The following KCTD4 variants were observed in gnomAD, a reference collection of about 807,000 sequenced individuals.
KCTD4 encodes the protein BTB/POZ domain-containing protein KCTD4.
A neutral mutation model predicts 18.3 loss-of-function variants in KCTD4; 12 were observed. The ratio of observed to expected loss-of-function variants is 0.66; its 90% CI spans 0.42 to 1.06. The LOEUF is 1.06. Ranked by LOEUF, KCTD4 falls within the 50% of genes least tolerant of loss-of-function variation. KCTD4 has a pLI of 0.00. For synonymous variants in KCTD4, 124 were observed against 110.5 expected, an observed-to-expected ratio of 1.12 and a Z score of -0.76; for missense variants, 250 against 303.4, an observed-to-expected ratio of 0.82 and a Z score of 1.31.
rs1180298515 is a variant in KCTD4 at position 45,194,101 on chromosome 13, C to T, written c.467G>A (p.Arg156Lys). ...TDNHDRSQGL[R>K]IFCNAPDFIS... ...GAAATCAGGAGCATTACAGAAGATT[C>T]TTAATCCTTGTGAACGATCGTGGTT... Residue 156 changes from arginine (R) to lysine (K), a missense_variant, in exon 2 of 2, where the codon AGA becomes AAA. Coordinates refer to ENST00000379108, the MANE Select transcript of KCTD4 (RefSeq NM_198404.3). 8 of 1,614,120 alleles carry T rather than the reference C, an allele frequency of 5.0e-6. No homozygotes were observed. Among genetic ancestry groups the T allele is most frequent in the Non-Finnish European group, 5.9e-6 (7 of 1,179,990 alleles).
At chr13:45,200,558 T>A (rs1873130032) in intron 1 of KCTD4, among the ~76,000 whole-genome samples, 1 of 152,144 alleles carries the variant, frequency 6.6e-6, no homozygotes, top group Non-Finnish European at 1.5e-5. Flanking sequence ...CCTCCCAAAG[T>A]GTTGGGATTA....
chr13:45,194,639 G>A lies in KCTD4; in HGVS notation c.-72C>T, dbSNP rs541301933. Reference sequence around the variant, plus strand: ...TTTAAAAAGAGACACTACCACACAAGCACGCCTTTATTCAGCCCCAGCCTG... The same window carrying A: ...TTTAAAAAGAGACACTACCACACAAACACGCCTTTATTCAGCCCCAGCCTG... On this transcript the variant is annotated 5_prime_UTR_variant, in exon 2 of 2. Transcript: ENST00000379108. The A allele has an allele frequency of 1.5e-6, 2 of 1,347,538 alleles. No individual in the cohort carries two copies. Among genetic ancestry groups the A allele is most frequent in the Non-Finnish European group, 2.1e-6 (2 of 968,882 alleles). 83.5% of individuals were successfully genotyped at this position (1,347,538 alleles called of 1,614,324 possible). A position where few individuals can be genotyped will look rare whatever the true frequency, so the allele number is the denominator to read the frequency against.
chr13:45,195,756 A>T (rs1171319341), intron 1 of KCTD4, among the ~76,000 whole-genome samples: 9 of 152,168 alleles, frequency 5.9e-5, no homozygotes, highest in African/African-American at 2.2e-4. Flanking sequence ...TCCCCAGTAC[A>T]CTATTATTTG....
Position 45,194,111 on chromosome 13 carries a change from G to C in KCTD4, c.457C>G (p.Gln153Glu), listed in dbSNP as rs1365683909. Reference sequence around the variant, plus strand: ...GCATTACAGAAGATTCTTAATCCTTGTGAACGATCGTGGTTATCTGTTATT... The same window carrying C: ...GCATTACAGAAGATTCTTAATCCTTCTGAACGATCGTGGTTATCTGTTATT... The part of the protein sequence containing the change: ...LEITDNHDRS[Q>E]GLRIFCNAPD... Residue 153 changes from glutamine to glutamate, a missense_variant, in exon 2 of 2, where the codon CAA (glutamine) becomes GAA (glutamate). Physicochemically the swap from Gln to Glu is conservative, Grantham distance 29 (BLOSUM62 2). Transcript: ENST00000379108. 6.2e-7 allele frequency: 1 copy of C among 1,613,838 alleles called. No individual in the cohort carries two copies. The highest frequency in any genetic ancestry group is 8.5e-7 in the Non-Finnish European group (1 of 1,179,914).
rs1872747621 is a variant in KCTD4 at position 45,193,726 on chromosome 13, T to A, written c.*62A>T. The A allele has an allele frequency of 6.8e-7, 1 of 1,470,514 alleles. No homozygotes were observed. The highest frequency in any genetic ancestry group is 9.2e-7 in the Non-Finnish European group (1 of 1,088,436). The allele number at this position is 1,470,514 out of a possible 1,614,324, so 91.1% of individuals were successfully genotyped here. Reference sequence around the variant, plus strand: ...GGCATGTTATTTGGGATGTCTTTGATGCTGTGGTTTTCCGAAGCTTGCTGG... The same window carrying A: ...GGCATGTTATTTGGGATGTCTTTGAAGCTGTGGTTTTCCGAAGCTTGCTGG... On this transcript the variant is annotated 3_prime_UTR_variant, in exon 2 of 2. Transcript: ENST00000379108.
chr13:45,196,238 G>A (rs1208267791), intron 1 of KCTD4, among the ~76,000 whole-genome samples: 4 of 152,162 alleles, frequency 2.6e-5, no homozygotes, highest in Non-Finnish European at 1.5e-5. Flanking sequence ...TAGAGACTGT[G>A]AAATTCAACT....
At chr13:45,200,370 T>G (rs949433061) in intron 1 of KCTD4, among the ~76,000 whole-genome samples, 1 of 152,202 alleles carries the variant, frequency 6.6e-6, no homozygotes, top group Non-Finnish European at 1.5e-5. Context: ...TCACCCAGGC[T>G]GGAGTGTATT....
intron 1 of KCTD4, among the ~76,000 whole-genome samples, chr13:45,197,233 A>G (rs1484239778): frequency 6.6e-6 from 1 of 151,516 alleles, no homozygotes; most frequent in Non-Finnish European, 1.5e-5. Flanking sequence ...ATGTTGGCTT[A>G]TGCCTGTAAT....
chr13:45,197,544 G>A (rs892656489), intron 1 of KCTD4, among the ~76,000 whole-genome samples: 5 of 148,408 alleles, frequency 3.4e-5, no homozygotes, highest in African/African-American at 7.4e-5. Flanking sequence ...AGTAGGCCCC[G>A]CTGTATGCCT....
intron 1 of KCTD4, among the ~76,000 whole-genome samples, chr13:45,197,507 T>G (rs1593485769): frequency 9.7e-6 from 1 of 102,990 alleles, no homozygotes. Flanking sequence ...AGACCCTGTC[T>G]CCAAAAAAAA....
chr13:45,194,287 C>T lies in KCTD4; in HGVS notation c.281G>A (p.Arg94Gln), dbSNP rs768878129. 6 of 1,614,110 alleles carry T rather than the reference C, an allele frequency of 3.7e-6. No individual in the cohort carries two copies. Among genetic ancestry groups the T allele is most frequent in the Non-Finnish European group, 4.2e-6 (5 of 1,180,016 alleles). The change falls in exon 2 of 2, where the codon CGA becomes CAA. Residue 94 changes from arginine to glutamine, a missense_variant. Transcript: ENST00000379108. Reference sequence around the variant, plus strand: ...TTCGGGCAATAGAAGTTCTCCATTTCGTAGGAAGTTTAGGACATGCCTGAA... The same window carrying T: ...TTCGGGCAATAGAAGTTCTCCATTTTGTAGGAAGTTTAGGACATGCCTGAA... The part of the protein sequence containing the change: ...LLFRHVLNFL[R>Q]NGELLLPEGF...
At chr13:45,199,748 T>C (rs1014989132) in intron 1 of KCTD4, among the ~76,000 whole-genome samples, 3 of 152,162 alleles carry the variant, frequency 2.0e-5, no homozygotes, top group African/African-American at 7.2e-5. Flanking sequence ...GGGCATAACT[T>C]TGAAAACTCT....
In KCTD4 at chr13:45,194,497, G is replaced by A. The variant is rs1451584077; in HGVS notation, c.71C>T (p.Thr24Ile). The A allele has an allele frequency of 6.2e-7, 1 of 1,614,072 alleles. No homozygotes were observed. Among genetic ancestry groups the A allele is most frequent in the Admixed American group, 1.7e-5 (1 of 60,018 alleles). The stretch of plus-strand genomic sequence containing the variant: ...GGATTTGCAGTTCTTTCCTTGATCA[G>A]TATCTTCCAGGCTGTTGTGTTTCCC... ...YEGKHNSLED[T>I]DQGKNCKSTL... The change falls in exon 2 of 2, where the codon ACT becomes ATT. Residue 24 changes from threonine (T) to isoleucine (I), a missense_variant. Thr to Ile is a moderately conservative substitution (Grantham distance 89). Transcript: ENST00000379108.
chr13:45,200,539 C>CT (rs1265671294), intron 1 of KCTD4, among the ~76,000 whole-genome samples: 2 of 152,140 alleles, frequency 1.3e-5, no homozygotes, highest in Non-Finnish European at 2.9e-5. Flanking sequence ...AGCTATGCTG[C>CT]TGCCTCAGCC....
At position 45,194,158 on chromosome 13, in the gene KCTD4, G is replaced by T. The variant is rs1219311051; in HGVS notation, c.410C>A (p.Pro137His). The T allele has an allele frequency of 2.5e-6, 4 of 1,614,054 alleles. No individual in the cohort carries two copies. Among genetic ancestry groups the T allele is most frequent in the South Asian group, 2.2e-5 (2 of 91,080 alleles). Reference sequence around the variant, plus strand: ...TATTTCCAAGAAAGTAGTCTCTCTGGGTGTTAGCTGTTCTTTCTCCCACCT... The same window carrying T: ...TATTTCCAAGAAAGTAGTCTCTCTGTGTGTTAGCTGTTCTTTCTCCCACCT... ...KSRWEKEQLT[P>H]RETTFLEITD... is the part of the protein sequence containing the mutation. The change falls in exon 2 of 2, where the codon CCC (proline) becomes CAC (histidine). Residue 137 changes from proline (P) to histidine (H), a missense_variant. By Grantham distance (77) the Pro-to-His change is moderately conservative. Transcript: ENST00000379108.
Position 45,194,766 on chromosome 13 carries a change from C to A in KCTD4, c.-187-12G>T. 1 of 572,718 alleles carries A rather than the reference C, an allele frequency of 1.7e-6. No individual in the cohort carries two copies. The highest frequency in any genetic ancestry group is 3.1e-6 in the Non-Finnish European group (1 of 318,994). 35.5% of individuals were successfully genotyped at this position (572,718 alleles called of 1,614,324 possible). A position where few individuals can be genotyped will look rare whatever the true frequency, so the allele number is the denominator to read the frequency against. ...TATGCAGGAGCTTTCTGGAGTAAGA[C>A]GGAAAAGAGAATTTGCATTTAACTG... is the stretch of plus-strand genomic sequence containing the variant. On this transcript the variant is annotated splice_polypyrimidine_tract_variant and intron_variant, in intron 1 of 1. Coordinates refer to ENST00000379108, the MANE Select transcript of KCTD4 (RefSeq NM_198404.3).
Position 45,194,270 on chromosome 13 carries a change from A to G in KCTD4, c.298T>C (p.Leu100=), listed in dbSNP as rs749838383. The change falls in exon 2 of 2, where the codon TTG becomes CTG. Residue 100 remains leucine, a synonymous_variant. Coordinates refer to ENST00000379108, the MANE Select transcript of KCTD4 (RefSeq NM_198404.3). ...LNFLRNGELL[L]PEGFRENQLL... ...TGATTTTCTCGAAACCCTTCGGGCA[A>G]TAGAAGTTCTCCATTTCGTAGGAAG... The G allele has an allele frequency of 3.1e-5, 50 of 1,614,054 alleles. No individual in the cohort carries two copies. The highest frequency in any genetic ancestry group is 4.0e-5 in the Non-Finnish European group (47 of 1,180,030).
At chr13:45,198,611 C>T (rs979682343) in intron 1 of KCTD4, among the ~76,000 whole-genome samples, 5 of 152,120 alleles carry the variant, frequency 3.3e-5, no homozygotes, top group Admixed American at 6.5e-5. Flanking sequence ...ATTCCCATTA[C>T]CTTAGAAAGA....
At chr13:45,197,742 GT>G (rs1366167043) in intron 1 of KCTD4, among the ~76,000 whole-genome samples, 1 of 152,136 alleles carries the variant, frequency 6.6e-6, no homozygotes, top group Non-Finnish European at 1.5e-5. Flanking sequence ...CTTGTCCAAG[GT>G]AATATCTGTA....
Sources: allele counts gnomAD v4.1 joint callset (sites outside exome capture counted in the v4.1 genomes callset), GRCh38; gene constraint gnomAD v4.1.1; transcripts MANE v1.5; gene names NCBI Gene and HGNC (gene_info 2026-07-23, HGNC 2026-07-21).